Variants in IMMP2L observed in about 807,000 individuals in gnomAD.
The protein encoded by IMMP2L is mitochondrial inner membrane protease subunit 2.
A neutral mutation model predicts 19.3 loss-of-function variants in IMMP2L; 18 were observed. The ratio of observed to expected loss-of-function variants is 0.93; its 90% CI spans 0.64 to 1.38. The LOEUF is 1.38. IMMP2L is among the 40% of genes most tolerant of loss of function. The probability of loss-of-function intolerance (pLI) is 0.00; values close to 1 mark genes in which losing one functional copy is unlikely to be tolerated. For synonymous variants in IMMP2L, 76 were observed against 73.0 expected (o/e 1.04, Z -0.21); for missense variants, 233 against 218.2 (o/e 1.07, Z -0.43).
At chr7:110,855,553 T>C (rs184722725) in intron 5 of IMMP2L, among the ~76,000 whole-genome samples, 133 of 152,132 alleles carry the variant, frequency 8.7e-4, no homozygotes, top group Non-Finnish European at 1.3e-3. Flanking sequence ...CTAGAAACCA[T>C]TCTGGGCAGA....
intron 3 of IMMP2L, among the ~76,000 whole-genome samples, chr7:111,065,250 A>C (rs2129574823): frequency 6.6e-6 from 1 of 152,340 alleles, no homozygotes; most frequent in Non-Finnish European, 1.5e-5. Flanking sequence ...TTGACTTCAT[A>C]TCAGCATTTA....
chr7:110,723,506 T>C (rs150930507), intron 5 of IMMP2L, among the ~76,000 whole-genome samples: 112 of 131,012 alleles, frequency 8.5e-4, no homozygotes, highest in Non-Finnish European at 1.4e-3. Context: ...AGCTAACTGA[T>C]AGTGATCCAT....
At chr7:110,974,217 T>C (rs1319532335) in intron 3 of IMMP2L, among the ~76,000 whole-genome samples, 2 of 152,090 alleles carry the variant, frequency 1.3e-5, no homozygotes, top group Non-Finnish European at 2.9e-5. Context: ...CCACCATTCT[T>C]CATCTGAATG....
At chr7:111,519,594 C>T (rs939051622) in intron 2 of IMMP2L, among the ~76,000 whole-genome samples, 25 of 152,096 alleles carry the variant, frequency 1.6e-4, no homozygotes, top group African/African-American at 6.0e-4. Context: ...CTGCCTTCTT[C>T]ACTGGGGATA....
At chr7:111,151,693 T>C (rs895541129) in intron 3 of IMMP2L, among the ~76,000 whole-genome samples, 10 of 152,082 alleles carry the variant, frequency 6.6e-5, no homozygotes, top group East Asian at 1.9e-4. Flanking sequence ...AACACCACCA[T>C]GTTAGGAGGC....
chr7:111,140,485 A>C (rs1802771534), intron 3 of IMMP2L, among the ~76,000 whole-genome samples: 1 of 152,208 alleles, frequency 6.6e-6, no homozygotes, highest in African/African-American at 2.4e-5. Flanking sequence ...TCAATGTAAT[A>C]GCTGGGTGCC....
intron 3 of IMMP2L, among the ~76,000 whole-genome samples, chr7:111,361,481 G>A (rs2130994429): frequency 6.6e-6 from 1 of 152,182 alleles, no homozygotes; most frequent in East Asian, 1.9e-4. Context: ...TTCTATAGTA[G>A]CAGTTGCAGC....
intron 4 of IMMP2L, among the ~76,000 whole-genome samples, chr7:110,914,048 CTT>C (rs954420455): frequency 4.6e-5 from 7 of 152,238 alleles, no homozygotes; most frequent in African/African-American, 1.7e-4. Context: ...AGCAAAATGT[CTT>C]GAGCACTCAA....
chr7:111,288,104 T>A (rs1332008213), intron 3 of IMMP2L, among the ~76,000 whole-genome samples: 1 of 152,160 alleles, frequency 6.6e-6, no homozygotes, highest in Admixed American at 6.5e-5. Context: ...CTTACTGTTG[T>A]TTCCAATGCA....
intron 5 of IMMP2L, among the ~76,000 whole-genome samples, chr7:110,853,224 C>T (rs1380747530): frequency 6.6e-6 from 1 of 151,668 alleles, no homozygotes; most frequent in Non-Finnish European, 1.5e-5. Context: ...TGATGTTAGG[C>T]CAAAATGGTT....
At chr7:110,811,880 G>A (rs1802064985) in intron 5 of IMMP2L, among the ~76,000 whole-genome samples, 1 of 151,966 alleles carries the variant, frequency 6.6e-6, no homozygotes. Flanking sequence ...CACCTAATAA[G>A]AGCATCCTAA....
intron 3 of IMMP2L, among the ~76,000 whole-genome samples, chr7:111,141,020 T>C (rs1389651678): frequency 6.6e-6 from 1 of 152,174 alleles, no homozygotes; most frequent in African/African-American, 2.4e-5. Flanking sequence ...TAATATGACT[T>C]TTTAAATTGA....
intron 3 of IMMP2L, among the ~76,000 whole-genome samples, chr7:111,461,324 G>A (rs1215312070): frequency 6.6e-6 from 1 of 151,898 alleles, no homozygotes; most frequent in Non-Finnish European, 1.5e-5. Flanking sequence ...TCCAAGTGAA[G>A]CACATTTAAT....
At chr7:111,025,466 T>C (rs1007544593) in intron 3 of IMMP2L, among the ~76,000 whole-genome samples, 5 of 152,236 alleles carry the variant, frequency 3.3e-5, no homozygotes, top group African/African-American at 1.2e-4. Flanking sequence ...CCAATATTTC[T>C]GTTTAGAGGT....
chr7:111,175,586 G>A (rs1806960540), intron 3 of IMMP2L, among the ~76,000 whole-genome samples: 1 of 151,064 alleles, frequency 6.6e-6, no homozygotes, highest in Non-Finnish European at 1.5e-5. Flanking sequence ...GTAGAAGAAG[G>A]AAACCAGGCC....
rs375361698 is a variant in IMMP2L at position 110,670,685 on chromosome 7, G to A, written c.409-6964C>T. Among the ~76,000 whole-genome samples the A allele has an allele frequency of 4.6e-3, 594 of 129,376 alleles. 5 individuals are homozygous for A. Among genetic ancestry groups the A allele is most frequent in the African/African-American group, 0.016 (565 of 34,536 alleles). 84.9% of individuals were successfully genotyped at this position (129,376 alleles called of 152,430 possible). On this transcript the variant is annotated intron_variant, in intron 5 of 5. Coordinates refer to ENST00000405709, the MANE Select transcript of IMMP2L (RefSeq NM_032549.4). Reference sequence around the variant, plus strand: ...AGCCTTGGTGACAGAGCAAGACTCCGTCTCAAAAAAAAAAAAAAACAAAAA... The same window carrying A: ...AGCCTTGGTGACAGAGCAAGACTCCATCTCAAAAAAAAAAAAAAACAAAAA...
At chr7:110,806,068 C>A (rs1801611923) in intron 5 of IMMP2L, among the ~76,000 whole-genome samples, 1 of 152,008 alleles carries the variant, frequency 6.6e-6, no homozygotes. Context: ...AGGCCAAAGA[C>A]TGCACTCTTA....
intron 3 of IMMP2L, among the ~76,000 whole-genome samples, chr7:111,041,126 T>G (rs917579104): frequency 6.6e-6 from 1 of 152,152 alleles, no homozygotes; most frequent in Non-Finnish European, 1.5e-5. Context: ...CTAATTCTTA[T>G]GACCATGTAC....
intron 1 of IMMP2L, among the ~76,000 whole-genome samples, chr7:111,545,141 A>G (rs938356097): frequency 6.7e-6 from 1 of 148,444 alleles, no homozygotes; most frequent in Non-Finnish European, 1.5e-5. Flanking sequence ...ATTTTTAAAT[A>G]TTAATTTTTT....
Sources: gnomAD v4.1 joint callset for allele counts (sites outside exome capture counted in the v4.1 genomes callset) on GRCh38, gnomAD v4.1.1 for gene constraint, MANE v1.5 for transcripts, NCBI Gene and HGNC (gene_info 2026-07-23, HGNC 2026-07-21) for gene names.